Variants in PLCB2 observed in about 807,000 individuals in gnomAD.
PLCB2 encodes 1-phosphatidylinositol 4,5-bisphosphate phosphodiesterase beta-2.
Under a neutral mutation model 141.7 loss-of-function variants are expected in PLCB2, and 115 were observed. The ratio of observed to expected loss-of-function variants is 0.81; its 90% CI spans 0.70 to 0.95. The LOEUF is 0.95. PLCB2 is among the 40% of genes least tolerant of loss of function. The pLI, the probability that PLCB2 is intolerant of heterozygous loss-of-function variation, is 0.00. For synonymous variants in PLCB2, 603 were observed against 595.6 expected, an observed-to-expected ratio of 1.01 and a Z score of -0.18; for missense variants, 1,403 against 1,541.1, an observed-to-expected ratio of 0.91 and a Z score of 1.50.
At position 40,302,270 on chromosome 15, in the gene PLCB2, A is replaced by T; in HGVS notation, c.452T>A (p.Ile151Asn). Residue 151 changes from isoleucine (I) to asparagine (N), a missense_variant and splice_region_variant, in exon 5 of 32, where the codon ATC becomes AAC. Ile to Asn is a moderately radical substitution (Grantham distance 149). Around this residue, in one of 4 missense-constraint regions of PLCB2, gnomAD observed 975 missense variants for 1,141.1 expected, o/e 0.85. Transcript: ENST00000260402. ...NASRSTFLDK[I>N]LVKLKMQLNS... is the part of the protein sequence containing the mutation. ...CTCAGGCCAGGCAGAGGGCACTTACATCTTGTCCAGGAAGGTGCTGCGGGA... is the reference window on the plus strand; with the variant it reads ...CTCAGGCCAGGCAGAGGGCACTTACTTCTTGTCCAGGAAGGTGCTGCGGGA... 1.2e-6 allele frequency: 2 copies of T among 1,614,182 alleles called. No individual in the cohort carries two copies. Among genetic ancestry groups the T allele is most frequent in the Non-Finnish European group, 1.7e-6 (2 of 1,180,010 alleles).
At chr15:40,303,904 C>T (rs2040656293) in intron 2 of PLCB2, 97 bp downstream of exon 2, 5 of 845,244 alleles carry the variant, frequency 5.9e-6, no homozygotes, top group Admixed American at 4.1e-5. Context: ...TTCTGTACTC[C>T]CCAGCATCCA....
chr15:40,299,306 C>A, intron 7 of PLCB2, 78 bp from the exon 8 acceptor site: 1 of 944,670 alleles, frequency 1.1e-6, no homozygotes, highest in South Asian at 1.3e-5. Context: ...CAGCCCTGGT[C>A]AAGGGGACCT....
chr15:40,303,144 T>C, intron 3 of PLCB2, 144 bp downstream of exon 3: 2 of 673,920 alleles, frequency 3.0e-6, no homozygotes, highest in Non-Finnish European at 5.3e-6. Flanking sequence ...TTCCTTGGCT[T>C]CCAGCCACGG....
Position 40,290,779 on chromosome 15 carries a change from A to T in PLCB2, c.3095T>A (p.Leu1032Gln). The T allele has an allele frequency of 2.5e-6, 4 of 1,613,798 alleles. No individual in the cohort carries two copies. Among genetic ancestry groups the T allele is most frequent in the Non-Finnish European group, 3.4e-6 (4 of 1,179,942 alleles). ...GTCGTACTTCTCCGACGTCTCCTTCAGGGCCTTCAGCTCTGCCGCCTGTTT... is the reference window on the plus strand; with the variant it reads ...GTCGTACTTCTCCGACGTCTCCTTCTGGGCCTTCAGCTCTGCCGCCTGTTT... ...REKQAAELKA[L>Q]KETSENDTKE... Residue 1032 changes from leucine to glutamine, a missense_variant, in exon 28 of 32, where the codon CTG becomes CAG. By Grantham distance (113) the Leu-to-Gln change is moderately radical (BLOSUM62 -2). Coordinates refer to ENST00000260402, the MANE Select transcript of PLCB2 (RefSeq NM_004573.3).
rs1235285881 is a variant in PLCB2 at position 40,301,988 on chromosome 15, G to A, written c.551C>T (p.Ala184Val). 1.2e-6 allele frequency: 2 copies of A among 1,613,972 alleles called. No homozygotes were observed. The highest frequency in any genetic ancestry group is 1.3e-5 in the African/African-American group (1 of 74,920). Residue 184 changes from alanine to valine, a missense_variant, in exon 7 of 32, where the codon GCT becomes GTT. By Grantham distance (64) the Ala-to-Val change is moderately conservative. Coordinates refer to ENST00000260402, the MANE Select transcript of PLCB2 (RefSeq NM_004573.3). ...TTTGGGGAGGTGGCAGGCACTGAGA[G>A]CAGCTTCCACCCGCTTGCGGTCAGC... is the stretch of plus-strand genomic sequence containing the variant. ...FPADRKRVEA[A>V]LSACHLPKGK... is the part of the protein sequence containing the mutation.
chr15:40,296,125 G>A (rs78758977), intron 16 of PLCB2, among the ~76,000 whole-genome samples, 171 bp downstream of exon 16: 3,571 of 152,256 alleles, frequency 0.023, 53 homozygotes, highest in Middle Eastern at 0.048. Context: ...ACACTCCAGA[G>A]CATTCTGTTT....
Position 40,307,719 on chromosome 15 carries a change from C to A in PLCB2, c.-47G>T. 6.6e-7 allele frequency: 1 copy of A among 1,510,428 alleles called. No individual in the cohort carries two copies. The highest frequency in any genetic ancestry group is 9.0e-7 in the Non-Finnish European group (1 of 1,116,754). The allele number at this position is 1,510,428 out of a possible 1,614,324, so 93.6% of individuals were successfully genotyped here. On this transcript the variant is annotated 5_prime_UTR_variant, in exon 1 of 32. Coordinates refer to ENST00000260402, the MANE Select transcript of PLCB2 (RefSeq NM_004573.3). The stretch of plus-strand genomic sequence containing the variant: ...CAGAATCTCAGCAGACACAGGCAGG[C>A]AGAAGGGCAGGAAGGAGGCCAGCCA...
Position 40,288,909 on chromosome 15 carries a change from C to G in PLCB2, c.3364G>C (p.Glu1122Gln). Residue 1122 changes from glutamate to glutamine, a missense_variant, in exon 32 of 32, where the codon GAG becomes CAG. Glu to Gln is a conservative substitution (Grantham distance 29). Transcript: ENST00000260402. ...IREMEKQFQKEALAEYEARMK... is the reference protein window; with the variant it reads ...IREMEKQFQKQALAEYEARMK... ...CTGGCCTCGTACTCTGCCAGCGCCT[C>G]CTTCTGGAACTGTGGAGACAGCAAG... is the stretch of plus-strand genomic sequence containing the variant. The G allele has an allele frequency of 1.2e-6, 2 of 1,613,018 alleles. No individual in the cohort carries two copies. The highest frequency in any genetic ancestry group is 1.7e-6 in the Non-Finnish European group (2 of 1,179,926).
In PLCB2 at chr15:40,303,905, C is replaced by T. The variant is rs1012541391; in HGVS notation, c.162+96G>A. On this transcript the variant is annotated intron_variant, in intron 2 of 31. Transcript: ENST00000260402. The stretch of plus-strand genomic sequence containing the variant: ...ACCCTTCCAGGCCATTCTGTACTCC[C>T]CAGCATCCATGCCTCCACCTTGGTG... 9.0e-5 allele frequency: 77 copies of T among 853,336 alleles called. No homozygotes were observed. In the East Asian group the frequency reaches 9.0e-4, roughly 10 times the overall value. 52.9% of individuals were successfully genotyped at this position (853,336 alleles called of 1,614,324 possible).
Position 40,291,395 on chromosome 15 carries a change from G to GCTCCAA in PLCB2, c.2734_2739dup (p.Leu912_Glu913dup). ...TCCTCCCAGCGCCGCGCTCCGCGCC[G>GCTCCAA]CTCCAACTCTCGCAGCTCCTTCTCG... On this transcript the variant is annotated inframe_insertion, in exon 26 of 32. Transcript: ENST00000260402. The GCTCCAA allele has an allele frequency of 6.5e-7, 1 of 1,534,806 alleles. No individual in the cohort carries two copies. Among genetic ancestry groups the GCTCCAA allele is most frequent in the Non-Finnish European group, 8.7e-7 (1 of 1,145,940 alleles).
intron 7 of PLCB2, chr15:40,301,372 G>C: frequency 3.3e-6 from 2 of 598,744 alleles, no homozygotes; most frequent in Non-Finnish European, 5.9e-6. Context: ...TCAGCCCAGA[G>C]GGCTCCTTTT....
At chr15:40,285,485 A>AT (rs2039598119), downstream of PLCB2, 5 of 966,758 alleles carry the variant, frequency 5.2e-6, no homozygotes, top group Non-Finnish European at 6.1e-6. Flanking sequence ...CATTTTTTTT[A>AT]TTTTGTTTTG....
At chr15:40,293,906 G>A (rs1389368332) in intron 19 of PLCB2, among the ~76,000 whole-genome samples, 182 bp from the exon 20 acceptor site, 3 of 152,182 alleles carry the variant, frequency 2.0e-5, no homozygotes, top group African/African-American at 7.2e-5. Flanking sequence ...AAGCTCTGAG[G>A]ACCAGGGTGC....
chr15:40,293,077 T>G (rs1179012066), intron 20 of PLCB2, 52 bp from the exon 21 acceptor site: 1 of 1,145,350 alleles, frequency 8.7e-7, no homozygotes, highest in South Asian at 1.4e-5. Context: ...GGAGCCAAGC[T>G]GACCCCCTCC....
intron 3 of PLCB2, 92 bp from the exon 4 acceptor site, chr15:40,302,701 A>G (rs1055459917): frequency 1.8e-5 from 26 of 1,434,604 alleles, no homozygotes; most frequent in Middle Eastern, 1.9e-4. Flanking sequence ...CACTTGGGCT[A>G]TGGCCCACTG....
At chr15:40,290,904 G>A in intron 27 of PLCB2, 67 bp from the exon 28 acceptor site, 2 of 1,321,918 alleles carry the variant, frequency 1.5e-6, no homozygotes, top group South Asian at 2.5e-5. Context: ...GGGGGGCGGG[G>A]GTCGGTGGAG....
At chr15:40,290,147 G>T in intron 29 of PLCB2, 65 bp from the exon 30 acceptor site, 2 of 1,000,876 alleles carry the variant, frequency 2.0e-6, no homozygotes, top group Non-Finnish European at 3.2e-6. Flanking sequence ...GTAACATGAA[G>T]TCTACGCAGG....
downstream of PLCB2, chr15:40,285,965 T>C: frequency 1.0e-6 from 1 of 985,538 alleles, no homozygotes; most frequent in Non-Finnish European, 1.2e-6. Flanking sequence ...AGTGCTGTGC[T>C]GGGTACCCTT....
Position 40,291,302 on chromosome 15 carries a change from A to T in PLCB2, c.2833T>A (p.Cys945Ser). ...GAGCCCTTGCCGGGACCGAGCTTGC[A>T]GGCCCCGACGCCCCCCACGCCCGGT... Reference protein sequence around the residue: ...GPPGVGGVGACKLGPGKGSRK... With the variant: ...GPPGVGGVGASKLGPGKGSRK... Residue 945 changes from cysteine to serine, a missense_variant, in exon 26 of 32, where the codon TGC becomes AGC. Transcript: ENST00000260402. 4.5e-6 allele frequency: 7 copies of T among 1,553,464 alleles called. No homozygotes were observed. Among genetic ancestry groups the T allele is most frequent in the Non-Finnish European group, 6.0e-6 (7 of 1,158,290 alleles).
Sources: gnomAD v4.1 joint callset for allele counts (sites outside exome capture counted in the v4.1 genomes callset) on GRCh38, gnomAD v4.1.1 for gene constraint, gnomAD v4.1.1 regional missense constraint, MANE v1.5 for transcripts, NCBI Gene and HGNC (gene_info 2026-07-23, HGNC 2026-07-21) for gene names.